The following NALCN variants were observed in gnomAD, a reference collection of about 807,000 sequenced individuals.
NALCN encodes the protein sodium leak channel NALCN.
NALCN carries 111 observed loss-of-function variants against 225.3 expected under a neutral mutation model. The observed-to-expected ratio is 0.49, with a 90% confidence interval of 0.42 to 0.58. The LOEUF (loss-of-function observed/expected upper bound fraction) is 0.58, where lower values mean the gene tolerates loss of function less well. Among genes scored for constraint, NALCN ranks in the 20% least tolerant of loss-of-function variants. The probability of loss-of-function intolerance (pLI) is 0.00; values close to 1 mark genes in which losing one functional copy is unlikely to be tolerated. For synonymous variants in NALCN, 764 were observed against 769.0 expected, an observed-to-expected ratio of 0.99 and a Z score of 0.11; for missense variants, 1,378 against 2,202.4, an observed-to-expected ratio of 0.63 and a Z score of 7.49.
At chr13:101,336,599 G>A (rs142577315) in intron 7 of NALCN, among the ~76,000 whole-genome samples, 81 of 152,226 alleles carry the variant, frequency 5.3e-4, no homozygotes, top group African/African-American at 1.8e-3. Flanking sequence ...TGGAGCTGAC[G>A]ACTTGTAGTT....
chr13:101,287,485 T>C (rs34912180), intron 9 of NALCN, among the ~76,000 whole-genome samples: 1 of 152,080 alleles, frequency 6.6e-6, no homozygotes, highest in Non-Finnish European at 1.5e-5. Flanking sequence ...TAATTAACTT[T>C]CCAATCATTG....
intron 3 of NALCN, among the ~76,000 whole-genome samples, chr13:101,389,427 T>C (rs2047080471): frequency 6.6e-6 from 1 of 152,136 alleles, no homozygotes; most frequent in Non-Finnish European, 1.5e-5. Flanking sequence ...TCAGAGGCAA[T>C]GGAATATTAG....
chr13:101,223,099 G>A (rs1188713134), intron 13 of NALCN, among the ~76,000 whole-genome samples: 2 of 151,890 alleles, frequency 1.3e-5, no homozygotes, highest in African/African-American at 4.8e-5. Flanking sequence ...AAACAAATTA[G>A]TCCTACCTGA....
chr13:101,376,857 TA>T, intron 5 of NALCN, 29 bp from the exon 6 acceptor site: 1 of 1,612,914 alleles, frequency 6.2e-7, no homozygotes, highest in Non-Finnish European at 8.5e-7. Flanking sequence ...GTAAAGTACA[TA>T]AAACTTACAA....
chr13:101,332,397 CAAAAAAAAAA>C (rs753158247), intron 7 of NALCN, among the ~76,000 whole-genome samples: 1 of 57,854 alleles, frequency 1.7e-5, no homozygotes, highest in Non-Finnish European at 3.1e-5. Flanking sequence ...TTCACAAAGC[CAAAAAAAAAA>C]AAAAAAAAAA....
rs1447560398 is a variant in NALCN at position 101,400,580 on chromosome 13, T to TGTGTGC, written c.-39-1416_-39-1415insGCACAC. Among the ~76,000 whole-genome samples the TGTGTGC allele has an allele frequency of 5.5e-3, 740 of 135,732 alleles. 8 individuals are homozygous for TGTGTGC. The highest frequency in any genetic ancestry group is 0.016 in the South Asian group (70 of 4,392). 89.0% of individuals were successfully genotyped at this position (135,732 alleles called of 152,430 possible). The stretch of plus-strand genomic sequence containing the variant: ...GTGTGTGTGTGTGTGTGTGTGTGTG[T>TGTGTGC]GCACGTGTGTGCGCGCGCACACAGA... On this transcript the variant is annotated intron_variant, in intron 1 of 43. Transcript: ENST00000251127.
chr13:101,371,496 T>C (rs2046539004), intron 6 of NALCN, among the ~76,000 whole-genome samples: 1 of 152,158 alleles, frequency 6.6e-6, no homozygotes. Flanking sequence ...ATCAACTCTT[T>C]TATTTTTATT....
chr13:101,368,153 C>G (rs551181711), intron 6 of NALCN, among the ~76,000 whole-genome samples: 1 of 117,154 alleles, frequency 8.5e-6, no homozygotes, highest in South Asian at 3.3e-4. Context: ...TCCCTCCCCC[C>G]TCCCCCCACC....
At chr13:101,297,146 A>G (rs2043786301) in intron 7 of NALCN, among the ~76,000 whole-genome samples, 1 of 152,194 alleles carries the variant, frequency 6.6e-6, no homozygotes, top group Non-Finnish European at 1.5e-5. Flanking sequence ...ACATAACCAC[A>G]TTGTCATTCC....
intron 15 of NALCN, among the ~76,000 whole-genome samples, chr13:101,160,599 TCTCTG>T (rs2038133112): frequency 6.6e-6 from 1 of 152,208 alleles, no homozygotes; most frequent in Non-Finnish European, 1.5e-5. Flanking sequence ...ATATTAAATC[TCTCTG>T]TAATATGCAG....
chr13:101,271,970 A>ATG (rs376022045), intron 10 of NALCN, among the ~76,000 whole-genome samples: 9,995 of 136,830 alleles, frequency 0.073, 1,090 homozygotes, highest in African/African-American at 0.24. Flanking sequence ...GCGTGTAGAT[A>ATG]TGTGTGTGTG....
chr13:101,250,596 G>A (rs2042034042), intron 11 of NALCN, among the ~76,000 whole-genome samples: 1 of 151,944 alleles, frequency 6.6e-6, no homozygotes, highest in Non-Finnish European at 1.5e-5. Context: ...CATTCCAAAT[G>A]TATTGGAGTC....
intron 6 of NALCN, among the ~76,000 whole-genome samples, chr13:101,360,093 CTTTTCTTTCTCTTTCTCTTT>C (rs2046191490): frequency 1.5e-5 from 2 of 137,824 alleles, no homozygotes; most frequent in South Asian, 4.4e-4. Flanking sequence ...CTCTTTCTTT[CTTTTCTTTCTCTTTCTCTTT>C]TTCTTTCCTT....
chr13:101,173,448 C>A (rs1265248437), intron 15 of NALCN, among the ~76,000 whole-genome samples: 2 of 152,080 alleles, frequency 1.3e-5, no homozygotes, highest in Non-Finnish European at 2.9e-5. Flanking sequence ...GGCTGTGTAA[C>A]CTTGAGCAAG....
intron 7 of NALCN, among the ~76,000 whole-genome samples, chr13:101,335,428 G>C (rs1352785813): frequency 6.6e-6 from 1 of 151,970 alleles, no homozygotes; most frequent in Non-Finnish European, 1.5e-5. Flanking sequence ...CAAGATACAA[G>C]GATAAAACTC....
At chr13:101,140,710 G>A (rs1349636299) in intron 17 of NALCN, among the ~76,000 whole-genome samples, 1 of 152,212 alleles carries the variant, frequency 6.6e-6, no homozygotes, top group East Asian at 1.9e-4. Flanking sequence ...CATGCCCCAT[G>A]CACAGTGTTG....
chr13:101,405,081 G>A (rs905285699), intron 1 of NALCN, among the ~76,000 whole-genome samples: 2 of 152,116 alleles, frequency 1.3e-5, no homozygotes, highest in African/African-American at 4.8e-5. Flanking sequence ...AATAGCCACA[G>A]AACTCAAAAC....
At chr13:101,085,039 C>T (rs1025631030) in intron 30 of NALCN, among the ~76,000 whole-genome samples, 4 of 152,052 alleles carry the variant, frequency 2.6e-5, no homozygotes, top group East Asian at 1.9e-4. Flanking sequence ...TTAATATTAA[C>T]GAGATGAAAC....
intron 7 of NALCN, among the ~76,000 whole-genome samples, chr13:101,317,048 T>TA (rs1247348523): frequency 6.6e-6 from 1 of 151,862 alleles, no homozygotes; most frequent in East Asian, 1.9e-4. Flanking sequence ...GTTCAATATA[T>TA]TTTTTTTAGC....
Sources: gnomAD v4.1 joint callset for allele counts (sites outside exome capture counted in the v4.1 genomes callset) on GRCh38, gnomAD v4.1.1 for gene constraint, MANE v1.5 for transcripts, NCBI Gene and HGNC (gene_info 2026-07-23, HGNC 2026-07-21) for gene names.